Variants in FBRSL1 observed in about 807,000 individuals in gnomAD.
The protein encoded by FBRSL1 is fibrosin-1-like protein.
In FBRSL1, 51 loss-of-function variants were observed where a neutral mutation model predicts 89.6. The observed-to-expected ratio is 0.57, with a 90% CI of 0.45 to 0.72. The LOEUF is 0.72. Among genes scored for constraint, FBRSL1 ranks in the 30% least tolerant of loss-of-function variants. The pLI, the probability that FBRSL1 is intolerant of heterozygous loss-of-function variation, is 0.00. For missense variants in FBRSL1, 1,618 were observed against 1,451.8 expected (o/e 1.11, Z -1.86); for synonymous variants, 779 against 681.1 (o/e 1.14, Z -2.24).
intron 2 of FBRSL1, among the ~76,000 whole-genome samples, chr12:132,519,979 C>T (rs1483987439): frequency 1.3e-5 from 2 of 151,714 alleles, no homozygotes; most frequent in Non-Finnish European, 2.9e-5. Flanking sequence ...AGCCCAGAGG[C>T]TGTGCAGGCA....
Position 132,565,472 on chromosome 12 carries a change from C to T in FBRSL1, c.646-2009C>T, listed in dbSNP as rs949003782. ...ATGTGTGTGTCCCTGTACGTGAACC[C>T]GAGTGTGCCCACGTACACGTACCCA... On this transcript the variant is annotated intron_variant, in intron 5 of 18. Coordinates refer to ENST00000680143, the MANE Select transcript of FBRSL1 (RefSeq NM_001367871.1). The T allele has an allele frequency of 3.3e-5, 5 of 152,258 alleles. No individual in the cohort carries two copies. The South Asian group carries it at 6.2e-4, about 19-fold the overall frequency. The allele number at this position is 152,258 out of a possible 1,614,324, so 9.4% of individuals were successfully genotyped here. A position where few individuals can be genotyped will look rare whatever the true frequency, so the allele number is the denominator to read the frequency against.
chr12:132,530,819 G>A (rs1444893376), intron 4 of FBRSL1, among the ~76,000 whole-genome samples: 4 of 152,014 alleles, frequency 2.6e-5, no homozygotes, highest in African/African-American at 9.7e-5. Flanking sequence ...GGAGGACCCT[G>A]AGGGCTGCAG....
At position 132,508,208 on chromosome 12, in the gene FBRSL1, T is replaced by C; in HGVS notation, c.347T>C (p.Ile116Thr). 1.9e-6 allele frequency: 3 copies of C among 1,551,052 alleles called. No individual in the cohort carries two copies. Among genetic ancestry groups the C allele is most frequent in the Admixed American group, 2.0e-5 (1 of 50,992 alleles). Residue 116 changes from isoleucine to threonine, a missense_variant, in exon 2 of 19, where the codon ATC (isoleucine) becomes ACC (threonine). Ile to Thr is a moderately conservative substitution (Grantham distance 89, BLOSUM62 -1). Coordinates refer to ENST00000680143, the MANE Select transcript of FBRSL1 (RefSeq NM_001367871.1). ...ERKEKWERRL[I>T]KKPRESETCP... ...AAGGAGAAGTGGGAGCGTCGTCTCA[T>C]CAAGAAGCCCCGGGAGTCGGAAACC...
At chr12:132,529,079 A>T in intron 4 of FBRSL1, among the ~76,000 whole-genome samples, 1 of 152,196 alleles carries the variant, frequency 6.6e-6, no homozygotes, top group East Asian at 1.9e-4. Flanking sequence ...AGCTCCATAA[A>T]AGCCATTTCT....
chr12:132,500,590 C>G (rs1201306630), intron 1 of FBRSL1, among the ~76,000 whole-genome samples: 1 of 152,164 alleles, frequency 6.6e-6, no homozygotes, highest in Non-Finnish European at 1.5e-5. Flanking sequence ...CCCACCCAGT[C>G]CATAGTTTCC....
intron 4 of FBRSL1, among the ~76,000 whole-genome samples, chr12:132,542,459 C>T (rs1457432011): frequency 6.6e-6 from 1 of 152,220 alleles, no homozygotes; most frequent in Admixed American, 6.5e-5. Flanking sequence ...GTTTTTTCTG[C>T]TGGTGAGGAG....
At chr12:132,573,078 A>G (rs1289797699) in intron 11 of FBRSL1, among the ~76,000 whole-genome samples, 2 of 152,166 alleles carry the variant, frequency 1.3e-5, no homozygotes, top group Non-Finnish European at 1.5e-5. Flanking sequence ...CCTGGGTAGC[A>G]GGAGGTTGTG....
At chr12:132,508,070 A>G in intron 1 of FBRSL1, 83 bp from the exon 2 acceptor site, 12 of 1,360,520 alleles carry the variant, frequency 8.8e-6, no homozygotes, top group Non-Finnish European at 1.2e-5. Context: ...GCTCCTTCCC[A>G]AGAGCTGCTC....
chr12:132,562,650 G>A (rs369320073), intron 5 of FBRSL1, among the ~76,000 whole-genome samples: 2 of 101,542 alleles, frequency 2.0e-5, no homozygotes, highest in African/African-American at 8.5e-5. Flanking sequence ...CAGCTGCACC[G>A]CAGCCCTTTA....
chr12:132,562,748 G>A (rs2039241489), intron 5 of FBRSL1, among the ~76,000 whole-genome samples: 1 of 152,096 alleles, frequency 6.6e-6, no homozygotes, highest in South Asian at 2.1e-4. Context: ...GCGTGTGGGT[G>A]TGGCAGGCCC....
At chr12:132,572,728 C>T in intron 11 of FBRSL1, 106 bp downstream of exon 11, 1 of 810,594 alleles carries the variant, frequency 1.2e-6, no homozygotes, top group Non-Finnish European at 2.0e-6. Context: ...CCCCCCTTTC[C>T]CTCCCTTGTA....
At chr12:132,514,845 A>C (rs1443391999) in intron 2 of FBRSL1, among the ~76,000 whole-genome samples, 1 of 152,246 alleles carries the variant, frequency 6.6e-6, no homozygotes, top group African/African-American at 2.4e-5. Flanking sequence ...CATTTTAATG[A>C]AGTATTGCGT....
intron 5 of FBRSL1, chr12:132,564,923 GCCGC>G (rs10549072): frequency 0.091 from 13,311 of 145,522 alleles, 1,263 homozygotes; most frequent in African/African-American, 0.24. Context: ...GCCGCGGCCG[GCCGC>G]CCTCCTAGGT....
At chr12:132,520,200 T>G (rs1248948865) in intron 2 of FBRSL1, among the ~76,000 whole-genome samples, 1 of 148,838 alleles carries the variant, frequency 6.7e-6, no homozygotes, top group Non-Finnish European at 1.5e-5. Flanking sequence ...CACACCCTCC[T>G]TGCACCCCTC....
intron 2 of FBRSL1, among the ~76,000 whole-genome samples, chr12:132,523,575 C>T (rs890726196): frequency 1.3e-5 from 2 of 152,190 alleles, no homozygotes; most frequent in Non-Finnish European, 2.9e-5. Context: ...TCCGACCCAC[C>T]TCCCTTCCCA....
intron 2 of FBRSL1, among the ~76,000 whole-genome samples, chr12:132,516,950 A>G (rs2034896188): frequency 6.6e-6 from 1 of 152,252 alleles, no homozygotes; most frequent in Non-Finnish European, 1.5e-5. Flanking sequence ...CTGTCTACAT[A>G]GCTGCCATGA....
chr12:132,575,995 A>G (rs10870472), intron 14 of FBRSL1, among the ~76,000 whole-genome samples: 25,129 of 151,948 alleles, frequency 0.17, 2,807 homozygotes, highest in African/African-American at 0.32. Context: ...CCCAGTCTCC[A>G]CCCAAGCCTG....
rs117804095 is a variant in FBRSL1, at chr12:132,519,218, A to G, written c.490-6516A>G. Among the ~76,000 whole-genome samples the G allele has an allele frequency of 2.0e-4, 30 of 152,396 alleles. 1 individual carries two copies. The East Asian group carries it at 5.8e-3, about 29-fold the overall frequency. On this transcript the variant is annotated intron_variant, in intron 2 of 18. Transcript: ENST00000680143. ...CCACTGGATGCTTACAGTCTACTGA[A>G]GAGAGACACAGAAACAAGCAACCCC...
At chr12:132,538,471 T>A (rs1381626702) in intron 4 of FBRSL1, among the ~76,000 whole-genome samples, 2 of 152,002 alleles carry the variant, frequency 1.3e-5, no homozygotes, top group Non-Finnish European at 2.9e-5. Context: ...GTGCACTGAG[T>A]GGGGGCCTCC....
Sources: gnomAD v4.1 joint callset for allele counts (sites outside exome capture counted in the v4.1 genomes callset) on GRCh38, gnomAD v4.1.1 for gene constraint, MANE v1.5 for transcripts, NCBI Gene and HGNC (gene_info 2026-07-23, HGNC 2026-07-21) for gene names.